Variants in RNF207 observed in about 807,000 individuals in gnomAD.
RNF207 encodes ring finger protein 207.
Under a neutral mutation model 79.0 loss-of-function variants are expected in RNF207, and 72 were observed. The observed-to-expected ratio is 0.91, with a 90% CI of 0.75 to 1.11. The LOEUF (loss-of-function observed/expected upper bound fraction) is 1.11, where lower values mean the gene tolerates loss of function less well. Ranked by LOEUF, RNF207 falls within the 50% of genes least tolerant of loss-of-function variation. The probability of loss-of-function intolerance (pLI) is 0.00; values close to 1 mark genes in which losing one functional copy is unlikely to be tolerated. For synonymous variants in RNF207, 348 were observed against 366.2 expected, an observed-to-expected ratio of 0.95 and a Z score of 0.57; for missense variants, 936 against 855.8, an observed-to-expected ratio of 1.09 and a Z score of -1.17.
At chr1:6,206,790 G>T (rs1273372107) in intron 2 of RNF207, 64 bp downstream of exon 2, 7 of 1,421,160 alleles carry the variant, frequency 4.9e-6, no homozygotes, top group Non-Finnish European at 6.7e-6. Flanking sequence ...GGTTGGCTCT[G>T]CCCGAGCTGG....
chr1:6,221,099 A>C lies in RNF207; in HGVS notation c.*1692A>C, dbSNP rs1292043500. 6.6e-6 allele frequency: 1 copy of C among 152,536 alleles called. No individual in the cohort carries two copies. The highest frequency in any genetic ancestry group is 1.9e-4 in the East Asian group (1 of 5,186). 9.4% of individuals were successfully genotyped at this position (152,536 alleles called of 1,614,324 possible). On this transcript the variant is annotated 3_prime_UTR_variant, in exon 18 of 18. Coordinates refer to ENST00000377939, the MANE Select transcript of RNF207 (RefSeq NM_207396.3). ...GTAGGAATTCAGAAAGAAATTGAGG[A>C]GGCCAAACACACGTCGTTTGAGGCT...
rs1054619465 is a variant in RNF207, at chr1:6,209,324, G to A, written c.608G>A (p.Arg203Gln). The A allele has an allele frequency of 2.6e-6, 4 of 1,545,780 alleles. No individual in the cohort carries two copies. Among genetic ancestry groups the A allele is most frequent in the Non-Finnish European group, 3.5e-6 (4 of 1,146,526 alleles). The change falls in exon 6 of 18, where the codon CGG (arginine) becomes CAG (glutamine). Residue 203 changes from arginine (R) to glutamine (Q), a missense_variant. Coordinates refer to ENST00000377939, the MANE Select transcript of RNF207 (RefSeq NM_207396.3). ...LESAYVQGCE[R>Q]LEQAVLAVKA... ...TCGGCTTACGTGCAGGGCTGCGAGC[G>A]GCTGGAGCAGGCGGTGCTGGTGAGC...
Position 6,218,176 on chromosome 1 carries a change from C to T in RNF207, c.1653-113C>T, listed in dbSNP as rs935754513. 4.0e-5 allele frequency: 28 copies of T among 694,818 alleles called. 1 individual carries two copies. The highest frequency in any genetic ancestry group is 9.0e-5 in the African/African-American group (5 of 55,828). 43.0% of individuals were successfully genotyped at this position (694,818 alleles called of 1,614,324 possible). A position where few individuals can be genotyped will look rare whatever the true frequency, so the allele number is the denominator to read the frequency against. On this transcript the variant is annotated intron_variant, in intron 16 of 17. Transcript: ENST00000377939. ...ATATTTGAGGAGCAAAAGAATGAAACGCTAGGTGGGTGCATGAGTGGTGGC... is the reference window on the plus strand; with the variant it reads ...ATATTTGAGGAGCAAAAGAATGAAATGCTAGGTGGGTGCATGAGTGGTGGC...
rs771173641 is a variant in RNF207, at chr1:6,206,678, G to A, written c.143G>A (p.Cys48Tyr). Residue 48 changes from cysteine to tyrosine, a missense_variant, in exon 2 of 18, where the codon TGC becomes TAC. Physicochemically the swap from Cys to Tyr is radical, Grantham distance 194. Coordinates refer to ENST00000377939, the MANE Select transcript of RNF207 (RefSeq NM_207396.3). ...TGTTTCCACGACTTCTGTGCCGGCTGCCTGCGTGGCCGCGCGACCGACGGC... is the reference window on the plus strand; with the variant it reads ...TGTTTCCACGACTTCTGTGCCGGCTACCTGCGTGGCCGCGCGACCGACGGC... ...LDCFHDFCAG[C>Y]LRGRATDGRL... 1 of 1,605,268 alleles carries A rather than the reference G, an allele frequency of 6.2e-7. No individual in the cohort carries two copies. The highest frequency in any genetic ancestry group is 1.7e-5 in the Admixed American group (1 of 59,990).
At chr1:6,210,044 C>A in intron 8 of RNF207, 74 bp downstream of exon 8, 1 of 1,433,940 alleles carries the variant, frequency 7.0e-7, no homozygotes, top group Non-Finnish European at 9.5e-7. Context: ...CCTGGGCAGG[C>A]CCTGCCCCAC....
chr1:6,208,938 C>T lies in RNF207; in HGVS notation c.382C>T (p.Arg128Cys), dbSNP rs1431454534. The T allele has an allele frequency of 2.0e-6, 3 of 1,535,002 alleles. No individual in the cohort carries two copies. Among genetic ancestry groups the T allele is most frequent in the African/African-American group, 2.7e-5 (2 of 72,800 alleles). Residue 128 changes from arginine to cysteine, a missense_variant, in exon 4 of 18, where the codon CGC becomes TGC. Arg to Cys is a radical substitution (Grantham distance 180). Coordinates refer to ENST00000377939, the MANE Select transcript of RNF207 (RefSeq NM_207396.3). ...TCGQPLCARC[R>C]DETHRARMFA... ...CGGACAGCCCCTATGCGCGCGCTGCCGCGACGAGACGCACCGAGCACGCAT... is the reference window on the plus strand; with the variant it reads ...CGGACAGCCCCTATGCGCGCGCTGCTGCGACGAGACGCACCGAGCACGCAT...
chr1:6,215,013 T>G (rs1329598041), intron 16 of RNF207, among the ~76,000 whole-genome samples: 4 of 151,432 alleles, frequency 2.6e-5, no homozygotes, highest in Non-Finnish European at 5.9e-5. Context: ...CCCTCTAATG[T>G]ACCTTTTCTG....
At chr1:6,212,773 G>T in intron 15 of RNF207, 40 bp downstream of exon 15, 1 of 1,537,334 alleles carries the variant, frequency 6.5e-7, no homozygotes, top group Non-Finnish European at 9.0e-7. Flanking sequence ...CTCTGTCCCT[G>T]AGCTAACCCA....
At chr1:6,209,387 G>A (rs751423285) in intron 6 of RNF207, 27 bp from the exon 7 acceptor site, 4 of 1,524,802 alleles carry the variant, frequency 2.6e-6, no homozygotes, top group South Asian at 1.2e-5. Flanking sequence ...GGCGGCGATC[G>A]CGAGCCTGAC....
Position 6,209,552 on chromosome 1 carries a change from G to A in RNF207, c.753+13G>A. On this transcript the variant is annotated intron_variant, in intron 7 of 17. Coordinates refer to ENST00000377939, the MANE Select transcript of RNF207 (RefSeq NM_207396.3). ...CGGCAGCATGCAGGTGAGGGGTGGG[G>A]GTTGGGGGATAAACGACCCAGCCGG... 2 of 1,448,162 alleles carry A rather than the reference G, an allele frequency of 1.4e-6. No individual in the cohort carries two copies. The highest frequency in any genetic ancestry group is 1.5e-5 in the South Asian group (1 of 67,582). 89.7% of individuals were successfully genotyped at this position (1,448,162 alleles called of 1,614,324 possible). A position where few individuals can be genotyped will look rare whatever the true frequency, so the allele number is the denominator to read the frequency against.
rs1571219263 is a variant in RNF207 at position 6,220,404 on chromosome 1, C to T, written c.*997C>T. ...GCCGGTTTTAGGTAACAAGACTCCACCACTGAGTGGCACCTGCCCTATTGC... is the reference window on the plus strand; with the variant it reads ...GCCGGTTTTAGGTAACAAGACTCCATCACTGAGTGGCACCTGCCCTATTGC... On this transcript the variant is annotated 3_prime_UTR_variant, in exon 18 of 18. Transcript: ENST00000377939. The T allele has an allele frequency of 6.6e-6, 1 of 152,212 alleles. No homozygotes were observed. The highest frequency in any genetic ancestry group is 2.4e-5 in the African/African-American group (1 of 41,460). The allele number at this position is 152,212 out of a possible 1,614,324, so 9.4% of individuals were successfully genotyped here. A position where few individuals can be genotyped will look rare whatever the true frequency, so the allele number is the denominator to read the frequency against.
At position 6,210,863 on chromosome 1, in the gene RNF207, G is replaced by A. The variant is rs1041163484; in HGVS notation, c.943-7G>A. 6.3e-7 allele frequency: 1 copy of A among 1,593,668 alleles called. No homozygotes were observed. ...CCACCGGCCTGAGGCCCTCCTCACT[G>A]CCACAGGAGCTGATGGAGAGGCTGC... On this transcript the variant is annotated splice_region_variant and splice_polypyrimidine_tract_variant and intron_variant, in intron 10 of 17. Coordinates refer to ENST00000377939, the MANE Select transcript of RNF207 (RefSeq NM_207396.3).
Position 6,211,197 on chromosome 1 carries a change from T to C in RNF207, c.1109+79T>C. On this transcript the variant is annotated intron_variant, in intron 12 of 17. Coordinates refer to ENST00000377939, the MANE Select transcript of RNF207 (RefSeq NM_207396.3). The surrounding 1 kb of genome is among the most constrained non-coding windows in gnomAD (Gnocchi z 4.2). ...GGAGGGTGGGCGCTGAGGGGCCAGA[T>C]CGCCAGCAAGAAGCCAGGTGCCACC... 1 of 985,742 alleles carries C rather than the reference T, an allele frequency of 1.0e-6. No individual in the cohort carries two copies. Among genetic ancestry groups the C allele is most frequent in the Non-Finnish European group, 1.5e-6 (1 of 672,268 alleles). The allele number at this position is 985,742 out of a possible 1,614,324, so 61.1% of individuals were successfully genotyped here.
In RNF207 at chr1:6,210,288, C is replaced by T; in HGVS notation, c.866C>T (p.Thr289Ile). The T allele has an allele frequency of 7.4e-6, 12 of 1,613,934 alleles. No homozygotes were observed. The highest frequency in any genetic ancestry group is 1.0e-5 in the Non-Finnish European group (12 of 1,179,920). ...TCTCACTTGGCCACCTTGCTGCCCA[C>T]CCTGCAGGTACAGGGAGCTCGGGGT... ...QLSHLATLLP[T>I]LQVHLVICSS... is the part of the protein sequence containing the mutation. The change falls in exon 9 of 18, where the codon ACC (threonine) becomes ATC (isoleucine). Residue 289 changes from threonine (T) to isoleucine (I), a missense_variant. Thr to Ile is a moderately conservative substitution (Grantham distance 89, BLOSUM62 -1). Coordinates refer to ENST00000377939, the MANE Select transcript of RNF207 (RefSeq NM_207396.3).
chr1:6,213,028 C>A, intron 15 of RNF207, 38 bp from the exon 16 acceptor site: 1 of 1,364,038 alleles, frequency 7.3e-7, no homozygotes, highest in Non-Finnish European at 1.0e-6. Context: ...CCAGATGCTT[C>A]AGGATTAAGA....
In RNF207 at chr1:6,211,900, G is replaced by A. The variant is rs1037794789; in HGVS notation, c.1143G>A (p.Thr381=). ...LAGGLGPKAL[T]GPHCPSPVGK... is the part of the protein sequence containing the mutation. ...GGGGCTTAGGCCCCAAGGCGCTGAC[G>A]GGGCCCCACTGCCCCTCCCCAGTAG... Residue 381 remains threonine, a synonymous_variant, in exon 13 of 18, where the codon ACG becomes ACA. Coordinates refer to ENST00000377939, the MANE Select transcript of RNF207 (RefSeq NM_207396.3). This position sits in a 1 kb window ranked among gnomAD's most constrained non-coding sequence, Gnocchi z 4.2. The A allele has an allele frequency of 3.9e-6, 6 of 1,549,786 alleles. No individual in the cohort carries two copies. Among genetic ancestry groups the A allele is most frequent in the Admixed American group, 2.0e-5 (1 of 51,004 alleles).
chr1:6,207,483 C>A lies in RNF207; in HGVS notation c.296C>A (p.Ala99Asp). 6.2e-7 allele frequency: 1 copy of A among 1,602,512 alleles called. No individual in the cohort carries two copies. The highest frequency in any genetic ancestry group is 1.1e-5 in the South Asian group (1 of 89,358). Residue 99 changes from alanine (A) to aspartate (D), a missense_variant, in exon 3 of 18, where the codon GCC becomes GAC. Transcript: ENST00000377939. This position sits in a 1 kb window ranked among gnomAD's most constrained non-coding sequence, Gnocchi z 4.5. The stretch of plus-strand genomic sequence containing the variant: ...GATGGCGTGGAGGCGGTGCGCTGTG[C>A]CAACTGTGACCTGGAGTGCAGCGAG... ...SGDGVEAVRC[A>D]NCDLECSEQD...
Position 6,219,607 on chromosome 1 carries a change from C to G in RNF207, c.*200C>G. 1 of 331,496 alleles carries G rather than the reference C, an allele frequency of 3.0e-6. No homozygotes were observed. The highest frequency in any genetic ancestry group is 5.6e-6 in the Non-Finnish European group (1 of 177,022). 20.5% of individuals were successfully genotyped at this position (331,496 alleles called of 1,614,324 possible). On this transcript the variant is annotated 3_prime_UTR_variant, in exon 18 of 18. Coordinates refer to ENST00000377939, the MANE Select transcript of RNF207 (RefSeq NM_207396.3). ...TCCTGGGTTCAAGCGATTCTCCTGC[C>G]TCAGCCTCCCGAGTAGCTGGGATTA...
intron 16 of RNF207, among the ~76,000 whole-genome samples, chr1:6,218,069 A>G (rs1266013218): frequency 1.3e-5 from 2 of 152,242 alleles, no homozygotes; most frequent in Non-Finnish European, 2.9e-5. Context: ...CCCGACCAGC[A>G]CGCAGCTTCC....
Sources: gnomAD v4.1 joint callset for allele counts (sites outside exome capture counted in the v4.1 genomes callset) on GRCh38, gnomAD v4.1.1 for gene constraint, Gnocchi (gnomAD v3.1) non-coding constraint, MANE v1.5 for transcripts, NCBI Gene and HGNC (gene_info 2026-07-23, HGNC 2026-07-21) for gene names.